EFR3B: variants seen among roughly 807,000 people sequenced by gnomAD.
EFR3B encodes the protein protein EFR3 homolog B.
A neutral mutation model predicts 104.7 loss-of-function variants in EFR3B; 64 were observed. That is an observed-to-expected ratio of 0.61 (90% confidence interval 0.50 to 0.75). EFR3B has a LOEUF of 0.75. EFR3B is among the 30% of genes least tolerant of loss of function. The pLI is 0.00. For synonymous variants in EFR3B, 385 were observed against 417.9 expected (o/e 0.92, Z 0.96); for missense variants, 750 against 1,078.5 (o/e 0.70, Z 4.27).
At chr2:25,140,141 C>G (rs1369808303) in intron 16 of EFR3B, among the ~76,000 whole-genome samples, 1 of 151,968 alleles carries the variant, frequency 6.6e-6, no homozygotes, top group Admixed American at 6.6e-5. Context: ...GGTGAACCCC[C>G]GTCTCTACTA....
chr2:25,141,629 G>A (rs1009948236), intron 17 of EFR3B, among the ~76,000 whole-genome samples, 196 bp downstream of exon 17: 2 of 152,350 alleles, frequency 1.3e-5, no homozygotes, highest in Middle Eastern at 3.4e-3. Context: ...TCCATGCCTC[G>A]AGCATGCAAT....
Position 25,154,166 on chromosome 2 carries a change from G to T in EFR3B, c.2349-69G>T. 2 of 1,406,188 alleles carry T rather than the reference G, an allele frequency of 1.4e-6. No homozygotes were observed. The highest frequency in any genetic ancestry group is 2.0e-6 in the Non-Finnish European group (2 of 1,018,512). 87.1% of individuals were successfully genotyped at this position (1,406,188 alleles called of 1,614,324 possible). On this transcript the variant is annotated intron_variant, in intron 22 of 22. Transcript: ENST00000403714. The surrounding 1 kb of genome is among the most constrained non-coding windows in gnomAD (Gnocchi z 4.1). ...GAAACCCAAGTCACCTACTCTGTTT[G>T]GTTGCACAAGGGTGGGATCCTAAAA...
intron 17 of EFR3B, 80 bp from the exon 18 acceptor site, chr2:25,143,653 CCT>C: frequency 6.6e-7 from 1 of 1,510,070 alleles, no homozygotes; most frequent in Admixed American, 2.0e-5. Context: ...AGAGCAAAAC[CCT>C]GTCTTAAAAA....
Position 25,143,723 on chromosome 2 carries a change from T to C in EFR3B, c.1923-12T>C. On this transcript the variant is annotated splice_polypyrimidine_tract_variant and intron_variant, in intron 17 of 22. Transcript: ENST00000403714. The stretch of plus-strand genomic sequence containing the variant: ...CGGTTCTAACGAACTTTCTCCCTCC[T>C]TCATCTTCCAGGCTGTCTCAGAATC... 5.8e-6 allele frequency: 9 copies of C among 1,551,302 alleles called. No individual in the cohort carries two copies. The highest frequency in any genetic ancestry group is 7.8e-6 in the Non-Finnish European group (9 of 1,146,836).
At chr2:25,102,635 G>T (rs561947627) in intron 3 of EFR3B, among the ~76,000 whole-genome samples, 1 of 152,128 alleles carries the variant, frequency 6.6e-6, no homozygotes, top group Non-Finnish European at 1.5e-5. Context: ...CCCTTGACAC[G>T]TGGGGATTAT....
chr2:25,060,281 A>G (rs1668152965), intron 1 of EFR3B, among the ~76,000 whole-genome samples: 1 of 152,242 alleles, frequency 6.6e-6, no homozygotes. Flanking sequence ...TACACATGTT[A>G]TCAGAGTTGA....
In EFR3B at chr2:25,088,741, C is replaced by T. The variant is rs566757209; in HGVS notation, c.8-2584C>T. On this transcript the variant is annotated intron_variant, in intron 1 of 22. Transcript: ENST00000403714. ...GAGAATGTTGTTACTTGTTCCAAGT[C>T]ACAGTTTAGGAAGTGGCAGTGCCAG... Among the ~76,000 whole-genome samples the T allele has an allele frequency of 7.7e-4, 117 of 152,272 alleles. 1 individual carries two copies. The highest frequency in any genetic ancestry group is 4.1e-3 in the Admixed American group (62 of 15,302).
chr2:25,151,991 G>A lies in EFR3B; in HGVS notation c.2269G>A (p.Glu757Lys). 1.3e-6 allele frequency: 2 copies of A among 1,551,698 alleles called. No individual in the cohort carries two copies. Among genetic ancestry groups the A allele is most frequent in the Non-Finnish European group, 1.7e-6 (2 of 1,146,992 alleles). ...VVEKFQKAPF[E>K]EIAAHCGARA... is the part of the protein sequence containing the mutation. The stretch of plus-strand genomic sequence containing the variant: ...GGAGAAGTTCCAGAAGGCACCCTTC[G>A]AGGAGATTGCTGCACACTGCGGGGC... The change falls in exon 21 of 23, where the codon GAG becomes AAG. Residue 757 changes from glutamate (E) to lysine (K), a missense_variant. By Grantham distance (56) the Glu-to-Lys change is moderately conservative. Transcript: ENST00000403714.
rs561686301 is a variant in EFR3B at position 25,124,611 on chromosome 2, G to T, written c.485+2817G>T. ...AAAAATTAGCCAGGCGTGGTGGCGG[G>T]CACCTGTAATCCCAGCTACTCGGGA... On this transcript the variant is annotated intron_variant, in intron 5 of 22. Coordinates refer to ENST00000403714, the MANE Select transcript of EFR3B (RefSeq NM_014971.2). 6.5e-4 allele frequency among the ~76,000 whole-genome samples: 98 copies of T among 151,120 alleles called. 1 individual carries two copies. The highest frequency in any genetic ancestry group is 2.3e-3 in the African/African-American group (95 of 41,106).
chr2:25,118,131 C>T (rs1321770923), intron 4 of EFR3B, among the ~76,000 whole-genome samples: 2 of 152,146 alleles, frequency 1.3e-5, no homozygotes, highest in Non-Finnish European at 2.9e-5. Context: ...AGGCGCGTAC[C>T]GCCATGCCTG....
At chr2:25,103,409 G>A (rs1414658389) in intron 3 of EFR3B, among the ~76,000 whole-genome samples, 1 of 152,250 alleles carries the variant, frequency 6.6e-6, no homozygotes, top group Non-Finnish European at 1.5e-5. Flanking sequence ...AGGAGGGGCT[G>A]GATGAGTTGG....
At chr2:25,073,926 C>T (rs1668563872) in intron 1 of EFR3B, among the ~76,000 whole-genome samples, 1 of 152,154 alleles carries the variant, frequency 6.6e-6, no homozygotes, top group South Asian at 2.1e-4. Flanking sequence ...ACACATAAAA[C>T]TTTCCATGAG....
chr2:25,144,937 C>G, intron 18 of EFR3B, 23 bp from the exon 19 acceptor site: 1 of 1,548,616 alleles, frequency 6.5e-7, no homozygotes, highest in Non-Finnish European at 8.7e-7. Flanking sequence ...GGAACTAAAG[C>G]CTCTGGGCTG....
In EFR3B at chr2:25,149,713, T is replaced by A. The variant is rs1670949391; in HGVS notation, c.2162T>A (p.Ile721Asn). Residue 721 changes from isoleucine (I) to asparagine (N), a missense_variant, in exon 20 of 23, where the codon ATC (isoleucine) becomes AAC (asparagine). Transcript: ENST00000403714. ...CTTCAGCGAGTGCCTGCCGAGGAGATCACCTATGAGACACTGAAGAAAGCC... is the reference window on the plus strand; with the variant it reads ...CTTCAGCGAGTGCCTGCCGAGGAGAACACCTATGAGACACTGAAGAAAGCC... ...EKEERVPAEE[I>N]TYETLKKAIV... 6.4e-7 allele frequency: 1 copy of A among 1,551,428 alleles called. No individual in the cohort carries two copies. Among genetic ancestry groups the A allele is most frequent in the Non-Finnish European group, 8.7e-7 (1 of 1,146,886 alleles).
chr2:25,042,258 T>G lies in EFR3B; in HGVS notation c.-55T>G. The stretch of plus-strand genomic sequence containing the variant: ...ATGAAAGGCGGGCGCCGCCGAGGGC[T>G]GGCTGGGAACGCCGCAGCGACGCCG... On this transcript the variant is annotated 5_prime_UTR_variant, in exon 1 of 23. Coordinates refer to ENST00000403714, the MANE Select transcript of EFR3B (RefSeq NM_014971.2). The surrounding 1 kb of genome is among the most constrained non-coding windows in gnomAD (Gnocchi z 5.4). 1 of 1,307,606 alleles carries G rather than the reference T, an allele frequency of 7.6e-7. No homozygotes were observed. The allele number at this position is 1,307,606 out of a possible 1,614,324, so 81.0% of individuals were successfully genotyped here. A position where few individuals can be genotyped will look rare whatever the true frequency, so the allele number is the denominator to read the frequency against.
In EFR3B at chr2:25,158,071, A is replaced by C. The variant is rs1246962929; in HGVS notation, c.*3731A>C. On this transcript the variant is annotated 3_prime_UTR_variant, in exon 23 of 23. Coordinates refer to ENST00000403714, the MANE Select transcript of EFR3B (RefSeq NM_014971.2). ...AGAACACGTTTCAGCTGGACTAAGA[A>C]TCAGACTAGCCAGGGGTTCTTCTGA... 7 of 152,262 alleles carry C rather than the reference A, an allele frequency of 4.6e-5. No individual in the cohort carries two copies. Among genetic ancestry groups the C allele is most frequent in the African/African-American group, 1.7e-4 (7 of 41,454 alleles). 9.4% of individuals were successfully genotyped at this position (152,262 alleles called of 1,614,324 possible).
intron 1 of EFR3B, chr2:25,080,700 G>A (rs1263045836): frequency 8.3e-6 from 7 of 842,068 alleles, no homozygotes; most frequent in South Asian, 4.9e-5. Flanking sequence ...CCTTAGCAGC[G>A]TCTTTGTCAT....
At chr2:25,095,728 G>A (rs1194014781) in intron 3 of EFR3B, among the ~76,000 whole-genome samples, 1 of 152,040 alleles carries the variant, frequency 6.6e-6, no homozygotes, top group Admixed American at 6.6e-5. Flanking sequence ...GTACCAATAT[G>A]TTAGGAGTAT....
chr2:25,117,235 GC>G (rs1669887957), intron 4 of EFR3B, among the ~76,000 whole-genome samples: 1 of 152,110 alleles, frequency 6.6e-6, no homozygotes, highest in African/African-American at 2.4e-5. Context: ...CCAGGTGTGG[GC>G]CTCAGACTGG....
Sources: gnomAD v4.1 joint callset for allele counts (sites outside exome capture counted in the v4.1 genomes callset) on GRCh38, gnomAD v4.1.1 for gene constraint, Gnocchi (gnomAD v3.1) non-coding constraint, MANE v1.5 for transcripts, NCBI Gene and HGNC (gene_info 2026-07-23, HGNC 2026-07-21) for gene names.